Variants in COL4A6 observed in about 807,000 individuals in gnomAD.
The protein encoded by COL4A6 is collagen type IV alpha 6 chain.
Under a neutral mutation model 126.7 loss-of-function variants are expected in COL4A6, and 59 were observed. That is an observed-to-expected ratio of 0.47 (90% CI 0.38 to 0.58). COL4A6 has a LOEUF of 0.58. COL4A6 is among the 20% of genes least tolerant of loss of function. The pLI is 0.00. For synonymous variants in COL4A6, 547 were observed against 496.6 expected, an observed-to-expected ratio of 1.10 and a Z score of -1.35; for missense variants, 1,285 against 1,337.3, an observed-to-expected ratio of 0.96 and a Z score of 0.61.
intron 28 of COL4A6, 47 bp downstream of exon 28, chrX:108,176,794 G>T (rs943292947): frequency 3.1e-5 from 35 of 1,140,772 alleles, no homozygotes; most frequent in Non-Finnish European, 4.1e-5. Flanking sequence ...CAGCTGAAAT[G>T]CTCCTTTTTG....
At position 108,379,435 on chromosome X, in the gene COL4A6, CT is replaced by C. The variant is rs1163909665; in HGVS notation, c.63+58506del. 3.8e-3 allele frequency among the ~76,000 whole-genome samples: 292 copies of C among 76,954 alleles called. 1 individual carries two copies. Among genetic ancestry groups the C allele is most frequent in the African/African-American group, 0.01 (211 of 20,373 alleles). 66.8% of individuals were successfully genotyped at this position (76,954 alleles called of 115,157 possible). ...CCACCACTCTCAACTAATTAAAAAA[CT>C]TTTTTTTTTTTTTTTTTTTTTTGTA... On this transcript the variant is annotated intron_variant, in intron 2 of 44. Transcript: ENST00000334504.
rs2034411463 is a variant in COL4A6, at chrX:108,174,470, G to C, written c.3108C>G (p.Ile1036Met). 1 of 1,211,197 alleles carries C rather than the reference G, an allele frequency of 8.3e-7. No individual in the cohort carries two copies. Among genetic ancestry groups the C allele is most frequent in the Non-Finnish European group, 1.1e-6 (1 of 895,254 alleles). Residue 1036 changes from isoleucine (I) to methionine (M), a missense_variant, in exon 31 of 45, where the codon ATC becomes ATG. Physicochemically the swap from Ile to Met is conservative, Grantham distance 10. Transcript: ENST00000334504. ...CTCCTGGCATTCCTGGGAAACCTGT[G>C]ATCCCAGAGGACCCCTTCAGGCCAG... ...GLPGLKGSSG[I>M]TGFPGMPGES...
intron 3 of COL4A6, among the ~76,000 whole-genome samples, chrX:108,226,133 TTGAG>T (rs962532286): frequency 8.9e-6 from 1 of 112,711 alleles, no homozygotes; most frequent in African/African-American, 3.2e-5. Context: ...TATAACCATC[TTGAG>T]TATCAAGGGC....
intron 2 of COL4A6, among the ~76,000 whole-genome samples, chrX:108,347,426 A>C (rs1325988040): frequency 1.8e-5 from 2 of 112,099 alleles, no homozygotes; most frequent in Non-Finnish European, 3.8e-5. Flanking sequence ...AGCAACTCCT[A>C]ATTAAGAGCT....
intron 3 of COL4A6, among the ~76,000 whole-genome samples, chrX:108,236,845 C>T (rs1361758602): frequency 9.0e-6 from 1 of 111,714 alleles, no homozygotes; most frequent in Non-Finnish European, 1.9e-5. Context: ...CAGCATTTGT[C>T]ATCACCGAAC....
At chrX:108,245,194 C>T (rs1197123895) in intron 3 of COL4A6, among the ~76,000 whole-genome samples, 1 of 112,259 alleles carries the variant, frequency 8.9e-6, no homozygotes, top group African/African-American at 3.2e-5. Flanking sequence ...AAGGTCAGTC[C>T]GATAACATTC....
chrX:108,188,546 C>T lies in COL4A6; in HGVS notation c.1558G>A (p.Gly520Arg), dbSNP rs1478883359. 1 of 1,166,804 alleles carries T rather than the reference C, an allele frequency of 8.6e-7. No individual in the cohort carries two copies. Among genetic ancestry groups the T allele is most frequent in the Non-Finnish European group, 1.1e-6 (1 of 873,659 alleles). The change falls in exon 21 of 45, where the codon GGG becomes AGG. Residue 520 changes from glycine to arginine, a missense_variant. Physicochemically the swap from Gly to Arg is moderately radical, Grantham distance 125. Coordinates refer to ENST00000334504, the MANE Select transcript of COL4A6 (RefSeq NM_033641.4). ...GCCCCTGCTGGGCCCTGTGCACCCC[C>T]AGAGCCTCGATCTCCTCTGGCTCCT... ...LKGARGDRGS[G>R]GAQGPAGAPG...
intron 2 of COL4A6, among the ~76,000 whole-genome samples, chrX:108,349,890 G>A (rs1334273472): frequency 8.9e-6 from 1 of 111,735 alleles, no homozygotes; most frequent in Non-Finnish European, 1.9e-5. Flanking sequence ...TATTTATCTT[G>A]TCTGATGCAC....
At chrX:108,314,677 T>A (rs1015003259) in intron 2 of COL4A6, among the ~76,000 whole-genome samples, 17 of 112,253 alleles carry the variant, frequency 1.5e-4, no homozygotes, top group Non-Finnish European at 2.3e-4. Flanking sequence ...ATTAGGAATA[T>A]AAGTTCTGGA....
chrX:108,230,739 C>G (rs2036282047), intron 3 of COL4A6, among the ~76,000 whole-genome samples: 1 of 111,850 alleles, frequency 8.9e-6, no homozygotes, highest in South Asian at 3.8e-4. Flanking sequence ...AGCAGTTAGC[C>G]AATAGGCTGG....
In COL4A6 at chrX:108,383,975, G is replaced by T. The variant is rs1348386022; in HGVS notation, c.63+53967C>A. 4 of 972,881 alleles carry T rather than the reference G, an allele frequency of 4.1e-6. No homozygotes were observed. In the East Asian group the frequency reaches 1.4e-4, roughly 34 times the overall value. The allele number at this position is 972,881 out of a possible 1,213,427, so 80.2% of individuals were successfully genotyped here. On this transcript the variant is annotated intron_variant, in intron 2 of 44. Transcript: ENST00000334504. ...GCTTCCCAAATCACAGTGCAAAGTG[G>T]TGAAGATGGGACTGAGTATGTATTT...
At chrX:108,291,461 T>C (rs1239916307) in intron 3 of COL4A6, among the ~76,000 whole-genome samples, 1 of 112,363 alleles carries the variant, frequency 8.9e-6, no homozygotes, top group Admixed American at 9.5e-5. Flanking sequence ...CATTACTTTA[T>C]GTGACCATAT....
At chrX:108,200,212 A>C (rs2035346958) in intron 13 of COL4A6, among the ~76,000 whole-genome samples, 1 of 112,935 alleles carries the variant, frequency 8.9e-6, no homozygotes, top group Non-Finnish European at 1.9e-5. Flanking sequence ...TTAAAAAAGC[A>C]AAGTAAACAG....
chrX:108,224,738 T>C (rs1161541739), intron 3 of COL4A6, among the ~76,000 whole-genome samples: 2 of 112,159 alleles, frequency 1.8e-5, no homozygotes, highest in East Asian at 5.6e-4. Context: ...AGCTGTATGA[T>C]CTTTTTTCCT....
In COL4A6 at chrX:108,192,523, A is replaced by G; in HGVS notation, c.1130T>C (p.Ile377Thr). Residue 377 changes from isoleucine (I) to threonine (T), a missense_variant, in exon 18 of 45, where the codon ATC becomes ACC. Physicochemically the swap from Ile to Thr is moderately conservative, Grantham distance 89. Transcript: ENST00000334504. ...ACCAGAAGGGCCACGTAGGCCTTGGATGCCTTCATCTCCTTTAAGGCCTGG... is the reference window on the plus strand; with the variant it reads ...ACCAGAAGGGCCACGTAGGCCTTGGGTGCCTTCATCTCCTTTAAGGCCTGG... ...GLPGLKGDEG[I>T]QGLRGPSGVP... The G allele has an allele frequency of 3.3e-6, 4 of 1,209,872 alleles. No individual in the cohort carries two copies. The highest frequency in any genetic ancestry group is 4.5e-6 in the Non-Finnish European group (4 of 894,446).
intron 2 of COL4A6, among the ~76,000 whole-genome samples, chrX:108,347,083 C>T (rs941894871): frequency 5.6e-4 from 63 of 112,344 alleles, no homozygotes; most frequent in Non-Finnish European, 1.9e-4. Flanking sequence ...TTCCAACCCG[C>T]TAATTCCAGC....
chrX:108,209,993 C>T lies in COL4A6; in HGVS notation c.522G>A (p.Gly174=). ...CAGTGATTCCATCCAGTCCAGGCAG[C>T]CCAGGATCCCCCTGAGAAACAAAGG... The part of the protein sequence containing the change: ...GSFKGMKGDP[G]LPGLDGITGP... Residue 174 remains glycine (G), a synonymous_variant, in exon 8 of 45, where the codon GGG becomes GGA. Coordinates refer to ENST00000334504, the MANE Select transcript of COL4A6 (RefSeq NM_033641.4). The T allele has an allele frequency of 1.7e-6, 2 of 1,209,094 alleles. No individual in the cohort carries two copies. The highest frequency in any genetic ancestry group is 2.2e-6 in the Non-Finnish European group (2 of 894,068).
At chrX:108,242,496 T>C (rs964964135) in intron 3 of COL4A6, among the ~76,000 whole-genome samples, 1 of 111,877 alleles carries the variant, frequency 8.9e-6, no homozygotes, top group Non-Finnish European at 1.9e-5. Flanking sequence ...GTAGAAAACA[T>C]CTAGATTGAG....
At chrX:108,308,846 G>T (rs1167677179) in intron 3 of COL4A6, among the ~76,000 whole-genome samples, 1 of 111,745 alleles carries the variant, frequency 8.9e-6, no homozygotes, top group Admixed American at 9.5e-5. Flanking sequence ...GCTTGAGCTA[G>T]TATCTATGCT....
Sources: allele counts gnomAD v4.1 joint callset (sites outside exome capture counted in the v4.1 genomes callset), GRCh38; gene constraint gnomAD v4.1.1; transcripts MANE v1.5; gene names NCBI Gene and HGNC (gene_info 2026-07-23, HGNC 2026-07-21).